The following CACNA2D3 variants were observed in gnomAD, a reference collection of about 807,000 sequenced individuals.
The protein encoded by CACNA2D3 is voltage-dependent calcium channel subunit alpha-2/delta-3.
A neutral mutation model predicts 160.6 loss-of-function variants in CACNA2D3; 60 were observed. That is an observed-to-expected ratio of 0.37 (90% CI 0.30 to 0.46). The LOEUF (loss-of-function observed/expected upper bound fraction) is 0.46, where lower values mean the gene tolerates loss of function less well. CACNA2D3 is among the 20% of genes least tolerant of loss of function. CACNA2D3 has a pLI of 1.00. For missense variants in CACNA2D3, 1,205 were observed against 1,365.0 expected, an observed-to-expected ratio of 0.88 and a Z score of 1.85; for synonymous variants, 558 against 492.9, an observed-to-expected ratio of 1.13 and a Z score of -1.75.
chr3:54,752,733 T>G, intron 12 of CACNA2D3, 56 bp downstream of exon 12: 3 of 1,255,358 alleles, frequency 2.4e-6, no homozygotes, highest in Non-Finnish European at 3.5e-6. Context: ...TGTGCAGAAT[T>G]AGGAATATTC....
intron 9 of CACNA2D3, among the ~76,000 whole-genome samples, chr3:54,591,998 A>G (rs1702869461): frequency 6.6e-6 from 1 of 152,140 alleles, no homozygotes; most frequent in South Asian, 2.1e-4. Flanking sequence ...CTTTCATCTT[A>G]GGACTGTTTT....
chr3:54,784,749 A>T (rs1702601803), intron 13 of CACNA2D3, among the ~76,000 whole-genome samples: 1 of 152,154 alleles, frequency 6.6e-6, no homozygotes, highest in Admixed American at 6.5e-5. Flanking sequence ...GAGAAGAGGG[A>T]GCAGCAGACT....
intron 3 of CACNA2D3, among the ~76,000 whole-genome samples, chr3:54,359,965 A>G (rs1219362011): frequency 6.6e-6 from 1 of 152,194 alleles, no homozygotes; most frequent in Admixed American, 6.5e-5. Context: ...GGTGAAGGAC[A>G]TGTATCAGGA....
chr3:54,925,147 A>G, intron 27 of CACNA2D3: 1 of 1,614,080 alleles, frequency 6.2e-7, no homozygotes, highest in Non-Finnish European at 8.5e-7. Flanking sequence ...GACTGACAGT[A>G]ACACTTGTCC....
At chr3:54,521,638 A>C (rs554627503) in intron 5 of CACNA2D3, among the ~76,000 whole-genome samples, 4 of 152,130 alleles carry the variant, frequency 2.6e-5, no homozygotes, top group South Asian at 2.1e-4. Context: ...AGGTCATGAA[A>C]ATTTATTCCT....
chr3:54,355,071 GGTAA>G (rs1368966103), intron 3 of CACNA2D3, among the ~76,000 whole-genome samples: 1 of 152,216 alleles, frequency 6.6e-6, no homozygotes, highest in Admixed American at 6.5e-5. Flanking sequence ...TATGAAAAAT[GGTAA>G]GTGTGCTTCA....
intron 5 of CACNA2D3, among the ~76,000 whole-genome samples, chr3:54,549,904 G>A (rs1035930154): frequency 6.6e-6 from 1 of 152,178 alleles, no homozygotes; most frequent in Admixed American, 6.5e-5. Flanking sequence ...TGGAAGGAAG[G>A]AATGTTTAAA....
intron 8 of CACNA2D3, among the ~76,000 whole-genome samples, chr3:54,572,338 A>G (rs1404020326): frequency 1.3e-5 from 2 of 152,242 alleles, no homozygotes; most frequent in Non-Finnish European, 2.9e-5. Context: ...CTTGGCAAAT[A>G]GCAGGAGTTT....
At position 54,717,878 on chromosome 3, in the gene CACNA2D3, GGTGTGTGTGCGTGT is replaced by G. The variant is rs565379898; in HGVS notation, c.1168-34714_1168-34701del. On this transcript the variant is annotated intron_variant, in intron 11 of 37. Coordinates refer to ENST00000474759, the MANE Select transcript of CACNA2D3 (RefSeq NM_018398.3). ...TGTATGTGCGTGCGTGTGTGTGGTG[GGTGTGTGTGCGTGT>G]GTGTGTTCTGCATCTGGGTGTTTTA... Among the ~76,000 whole-genome samples the G allele has an allele frequency of 1.2e-3, 178 of 144,766 alleles. 2 individuals carry two copies. Among genetic ancestry groups the G allele is most frequent in the Admixed American group, 1.8e-3 (26 of 14,452 alleles). 95.0% of individuals were successfully genotyped at this position (144,766 alleles called of 152,430 possible). A position where few individuals can be genotyped will look rare whatever the true frequency, so the allele number is the denominator to read the frequency against.
intron 35 of CACNA2D3, among the ~76,000 whole-genome samples, chr3:55,039,937 A>AC (rs771518686): frequency 1.3e-5 from 2 of 152,032 alleles, no homozygotes; most frequent in Non-Finnish European, 2.9e-5. Context: ...TCATACTTGT[A>AC]CCTTGTTTAA....
intron 33 of CACNA2D3, among the ~76,000 whole-genome samples, chr3:55,008,201 A>G (rs1435710801): frequency 6.6e-6 from 1 of 152,236 alleles, no homozygotes; most frequent in Non-Finnish European, 1.5e-5. Context: ...CCACCATGCC[A>G]CTTTGGCTGT....
chr3:55,054,453 G>C (rs13064160), intron 35 of CACNA2D3, among the ~76,000 whole-genome samples: 28,029 of 151,440 alleles, frequency 0.19, 2,796 homozygotes, highest in African/African-American at 0.21. Context: ...GTGAATTTTG[G>C]ATTTAAAATA....
intron 13 of CACNA2D3, among the ~76,000 whole-genome samples, chr3:54,776,135 G>C (rs1195119769): frequency 1.3e-5 from 2 of 152,218 alleles, no homozygotes. Flanking sequence ...ATTGAGGTCA[G>C]ATGTCCATCA....
intron 2 of CACNA2D3, among the ~76,000 whole-genome samples, chr3:54,265,441 G>A (rs13072619): frequency 0.42 from 63,107 of 151,636 alleles, 14,071 homozygotes; most frequent in African/African-American, 0.56. Context: ...TGTAGATGAC[G>A]GGTTGATGGG....
At chr3:54,306,425 C>T (rs73093655) in intron 2 of CACNA2D3, among the ~76,000 whole-genome samples, 12,747 of 152,154 alleles carry the variant, frequency 0.084, 751 homozygotes, top group South Asian at 0.13. Context: ...AATGTGTGGA[C>T]TTCTATTAAC....
At chr3:55,071,559 T>G (rs1704808833) in intron 35 of CACNA2D3, among the ~76,000 whole-genome samples, 1 of 151,902 alleles carries the variant, frequency 6.6e-6, no homozygotes, top group African/African-American at 2.4e-5. Flanking sequence ...TCTTTAAATA[T>G]TTTACTCTGT....
At position 54,630,929 on chromosome 3, in the gene CACNA2D3, C is replaced by T. The variant is rs895404893; in HGVS notation, c.1053+3053C>T. Among the ~76,000 whole-genome samples, 5 of 152,232 alleles carry T rather than the reference C, an allele frequency of 3.3e-5. No individual in the cohort carries two copies. In the East Asian group the frequency reaches 7.7e-4, roughly 24 times the overall value. ...AAAAAACACAATGATAGGCCAGGCACGGTGGCTCACACCTGTAATCCCAGC... is the reference window on the plus strand; with the variant it reads ...AAAAAACACAATGATAGGCCAGGCATGGTGGCTCACACCTGTAATCCCAGC... On this transcript the variant is annotated intron_variant, in intron 10 of 37. Transcript: ENST00000474759.
chr3:54,981,257 G>T (rs530108666), intron 29 of CACNA2D3, among the ~76,000 whole-genome samples: 2 of 152,254 alleles, frequency 1.3e-5, no homozygotes, highest in African/African-American at 4.8e-5. Context: ...TTGAACAGTG[G>T]TTTTATGGGA....
chr3:54,761,667 G>T (rs1452949380), intron 12 of CACNA2D3, among the ~76,000 whole-genome samples: 1 of 152,200 alleles, frequency 6.6e-6, no homozygotes, highest in Non-Finnish European at 1.5e-5. Context: ...CTCAAACTAG[G>T]ACAGAAACTC....
Sources: gnomAD v4.1 joint callset for allele counts (sites outside exome capture counted in the v4.1 genomes callset) on GRCh38, gnomAD v4.1.1 for gene constraint, MANE v1.5 for transcripts, NCBI Gene and HGNC (gene_info 2026-07-23, HGNC 2026-07-21) for gene names.